The following XPR1 variants were observed in gnomAD, a reference collection of about 807,000 sequenced individuals.
XPR1 encodes the protein solute carrier family 53 member 1.
A neutral mutation model predicts 87.5 loss-of-function variants in XPR1; 28 were observed. That is an observed-to-expected ratio of 0.32 (90% CI 0.24 to 0.44). The LOEUF (loss-of-function observed/expected upper bound fraction) is 0.44. Among genes scored for constraint, XPR1 ranks in the 20% least tolerant of loss-of-function variants. XPR1 has a pLI of 1.00. For synonymous variants in XPR1, 300 were observed against 306.1 expected (o/e 0.98, Z 0.21); for missense variants, 559 against 862.3 (o/e 0.65, Z 4.41).
intron 2 of XPR1, among the ~76,000 whole-genome samples, chr1:180,756,903 A>G (rs1404002731): frequency 6.6e-6 from 1 of 152,190 alleles, no homozygotes; most frequent in African/African-American, 2.4e-5. Context: ...CCATTTGTTG[A>G]AAAGACTAGT....
chr1:180,841,299 G>A lies in XPR1; in HGVS notation c.1501+4583G>A, dbSNP rs1314921545. Among the ~76,000 whole-genome samples, 4 of 151,766 alleles carry A rather than the reference G, an allele frequency of 2.6e-5. No individual in the cohort carries two copies. In the East Asian group the frequency reaches 7.7e-4, roughly 29 times the overall value. On this transcript the variant is annotated intron_variant, in intron 11 of 14. Transcript: ENST00000367590. ...GAGGATTCTAGTTACCCTGTTATGT[G>A]CCTTGCTCAAGGACATGTAATTTGT... is the stretch of plus-strand genomic sequence containing the variant.
intron 10 of XPR1, 35 bp downstream of exon 10, chr1:180,835,080 G>C (rs143820529): frequency 1.2e-6 from 2 of 1,600,844 alleles, no homozygotes; most frequent in East Asian, 4.5e-5. Flanking sequence ...CTACTAAATC[G>C]CTGGTGTAAA....
chr1:180,799,523 C>G (rs977338187), intron 3 of XPR1, among the ~76,000 whole-genome samples: 36 of 152,166 alleles, frequency 2.4e-4, no homozygotes, highest in African/African-American at 8.7e-4. Flanking sequence ...GAAATGAGTT[C>G]CTTGATCAGA....
rs1656607502 is a variant in XPR1, at chr1:180,682,390, G to A, written c.100G>A (p.Asp34Asn). 1 of 1,602,296 alleles carries A rather than the reference G, an allele frequency of 6.2e-7. No individual in the cohort carries two copies. Among genetic ancestry groups the A allele is most frequent in the Non-Finnish European group, 8.5e-7 (1 of 1,174,102 alleles). Reference sequence around the variant, plus strand: ...CAAGGATATGCTGTATTCAGCTCAGGACCAGGCACCTTCTGTGGAAGGTAA... The same window carrying A: ...CAAGGATATGCTGTATTCAGCTCAGAACCAGGCACCTTCTGTGGAAGGTAA... ...AFKDMLYSAQDQAPSVEVTDE... is the reference protein window; with the variant it reads ...AFKDMLYSAQNQAPSVEVTDE... The change falls in exon 2 of 15, where the codon GAC (aspartate) becomes AAC (asparagine). Residue 34 changes from aspartate to asparagine, a missense_variant. Around this residue, in one of 7 missense-constraint regions of XPR1, gnomAD observed 159 missense variants for 263.3 expected, o/e 0.60. Transcript: ENST00000367590.
intron 1 of XPR1, 30 bp downstream of exon 1, chr1:180,632,300 T>G: frequency 6.2e-7 from 1 of 1,601,522 alleles, no homozygotes. Flanking sequence ...GTGGGAGGAC[T>G]CGGAGGGGCC....
chr1:180,711,665 A>G (rs1267049444), intron 2 of XPR1, among the ~76,000 whole-genome samples: 5 of 152,208 alleles, frequency 3.3e-5, no homozygotes, highest in African/African-American at 1.2e-4. Flanking sequence ...GACCTTTATC[A>G]GATGTAGATT....
At chr1:180,825,727 A>T (rs1650807238) in intron 9 of XPR1, among the ~76,000 whole-genome samples, 1 of 152,212 alleles carries the variant, frequency 6.6e-6, no homozygotes, top group South Asian at 2.1e-4. Context: ...CAGTAGGAAT[A>T]TCTTACCAGA....
At chr1:180,858,131 G>A (rs4108558) in intron 11 of XPR1, among the ~76,000 whole-genome samples, 36,705 of 152,126 alleles carry the variant, frequency 0.24, 4,642 homozygotes, top group Middle Eastern at 0.35. Context: ...CAGGAGAATC[G>A]CTTGAACCAG....
At chr1:180,766,449 A>C (rs1300152036) in intron 2 of XPR1, among the ~76,000 whole-genome samples, 1 of 152,204 alleles carries the variant, frequency 6.6e-6, no homozygotes, top group African/African-American at 2.4e-5. Flanking sequence ...TTGATTATCA[A>C]ATATAATTCT....
intron 3 of XPR1, among the ~76,000 whole-genome samples, chr1:180,788,833 G>C (rs559839352): frequency 6.6e-6 from 1 of 152,210 alleles, no homozygotes; most frequent in Non-Finnish European, 1.5e-5. Context: ...TCATAAACCA[G>C]GTATTAGTGT....
intron 2 of XPR1, among the ~76,000 whole-genome samples, chr1:180,782,694 C>T (rs915219620): frequency 6.6e-6 from 1 of 151,936 alleles, no homozygotes; most frequent in Non-Finnish European, 1.5e-5. Flanking sequence ...TCTCCAAATA[C>T]AAGTCACATT....
intron 1 of XPR1, among the ~76,000 whole-genome samples, chr1:180,663,271 A>G (rs997394296): frequency 2.6e-5 from 4 of 152,190 alleles, no homozygotes; most frequent in African/African-American, 7.2e-5. Flanking sequence ...CCTTCTTGCA[A>G]TGGCTTTCCA....
intron 3 of XPR1, among the ~76,000 whole-genome samples, chr1:180,802,879 A>G (rs1009080845): frequency 3.3e-5 from 5 of 152,218 alleles, no homozygotes; most frequent in African/African-American, 7.2e-5. Flanking sequence ...GGCTGATTCT[A>G]TTGTGTGTTT....
intron 1 of XPR1, among the ~76,000 whole-genome samples, chr1:180,664,293 G>A (rs1367760215): frequency 6.6e-6 from 1 of 152,290 alleles, no homozygotes; most frequent in Non-Finnish European, 1.5e-5. Flanking sequence ...GGCCCATGGT[G>A]TATACTACCT....
intron 2 of XPR1, among the ~76,000 whole-genome samples, chr1:180,760,833 A>G (rs140552796): frequency 0.043 from 6,495 of 152,036 alleles, 485 homozygotes; most frequent in African/African-American, 0.15. Context: ...AAAGAAGAAA[A>G]CCGGAGGCAT....
intron 2 of XPR1, among the ~76,000 whole-genome samples, chr1:180,728,297 TG>T (rs55806284): frequency 0.04 from 3,817 of 94,344 alleles, 127 homozygotes; most frequent in East Asian, 0.18. Flanking sequence ...TGTTTATAAC[TG>T]GGGGGGGGGG....
chr1:180,637,746 G>C (rs1195948647), intron 1 of XPR1, among the ~76,000 whole-genome samples: 1 of 152,092 alleles, frequency 6.6e-6, no homozygotes, highest in Non-Finnish European at 1.5e-5. Flanking sequence ...TAGAGACAGG[G>C]CTTCACCATG....
rs1654786574 is a variant in XPR1 at position 180,636,705 on chromosome 1, G to A, written c.69+4435G>A. Among the ~76,000 whole-genome samples the A allele has an allele frequency of 1.3e-5, 2 of 152,100 alleles. 1 individual carries two copies. Among genetic ancestry groups the A allele is most frequent in the South Asian group, 4.1e-4 (2 of 4,826 alleles). On this transcript the variant is annotated intron_variant, in intron 1 of 14. Coordinates refer to ENST00000367590, the MANE Select transcript of XPR1 (RefSeq NM_004736.4). ...GATTTCAGGTATATTTGAGTTGTAG[G>A]CCCCAAAGGAGTGTGCCCAAAACTC...
intron 2 of XPR1, among the ~76,000 whole-genome samples, chr1:180,684,715 G>C (rs1302873979): frequency 1.3e-5 from 2 of 152,172 alleles, no homozygotes; most frequent in African/African-American, 4.8e-5. Context: ...TCCCTTTTAA[G>C]TTGGATTCCT....
Sources: allele counts gnomAD v4.1 joint callset (sites outside exome capture counted in the v4.1 genomes callset), GRCh38; gene constraint gnomAD v4.1.1; regional missense constraint gnomAD v4.1.1; transcripts MANE v1.5; gene names NCBI Gene and HGNC (gene_info 2026-07-23, HGNC 2026-07-21).